ZNF407: variants seen among roughly 807,000 people sequenced by gnomAD.
ZNF407 encodes the protein zinc finger protein 407.
In ZNF407, 17 loss-of-function variants were observed where a neutral mutation model predicts 131.2. That is an observed-to-expected ratio of 0.13 (90% CI 0.09 to 0.19). The LOEUF is 0.19. ZNF407 is among the 10% of genes least tolerant of loss of function. The pLI is 1.00. For missense variants in ZNF407, 2,681 were observed against 2,830.6 expected, an observed-to-expected ratio of 0.95 and a Z score of 1.20; for synonymous variants, 1,156 against 1,062.0, an observed-to-expected ratio of 1.09 and a Z score of -1.72.
chr18:74,825,969 T>G (rs545597024), intron 4 of ZNF407, among the ~76,000 whole-genome samples: 14 of 152,190 alleles, frequency 9.2e-5, no homozygotes, highest in Non-Finnish European at 2.1e-4. Context: ...CCTAACCACA[T>G]ACACTAAACT....
At chr18:75,030,495 A>G (rs543740293) in intron 8 of ZNF407, among the ~76,000 whole-genome samples, 2 of 152,322 alleles carry the variant, frequency 1.3e-5, no homozygotes, top group South Asian at 4.1e-4. Flanking sequence ...TACATGCCAC[A>G]TTTCTCAAAT....
At chr18:74,651,460 TA>T (rs1221565211) in intron 3 of ZNF407, among the ~76,000 whole-genome samples, 1 of 152,218 alleles carries the variant, frequency 6.6e-6, no homozygotes, top group Non-Finnish European at 1.5e-5. Context: ...AAGAGGCCGA[TA>T]ATTTGCCTGT....
intron 3 of ZNF407, among the ~76,000 whole-genome samples, chr18:74,711,226 CT>C (rs1007586653): frequency 1.3e-5 from 2 of 152,164 alleles, no homozygotes; most frequent in African/African-American, 4.8e-5. Flanking sequence ...ATAAAGCACC[CT>C]CCCCTCACAC....
In ZNF407 at chr18:74,717,732, A is replaced by G. The variant is rs188739678; in HGVS notation, c.4803-63696A>G. 1.9e-3 allele frequency among the ~76,000 whole-genome samples: 293 copies of G among 152,348 alleles called. 5 individuals carry two copies. The highest frequency in any genetic ancestry group is 6.3e-3 in the African/African-American group (260 of 41,588). On this transcript the variant is annotated intron_variant, in intron 3 of 8. Coordinates refer to ENST00000299687, the MANE Select transcript of ZNF407 (RefSeq NM_017757.3). ...TCCCTTCTACAAAATGCTTTGGACC[A>G]GATGTGTTTTGGATTTTGGATTTTT...
chr18:74,673,311 C>T (rs752244556), intron 3 of ZNF407, among the ~76,000 whole-genome samples: 5 of 152,218 alleles, frequency 3.3e-5, no homozygotes, highest in Non-Finnish European at 7.3e-5. Flanking sequence ...ATCAAGGCGT[C>T]AACAGAGTTG....
chr18:74,830,608 G>A (rs374121037), intron 4 of ZNF407, among the ~76,000 whole-genome samples: 1 of 152,164 alleles, frequency 6.6e-6, no homozygotes, highest in Non-Finnish European at 1.5e-5. Context: ...GACGAATAAT[G>A]TTTGTACATA....
intron 8 of ZNF407, among the ~76,000 whole-genome samples, chr18:75,020,089 T>A (rs1421893459): frequency 6.6e-6 from 1 of 152,196 alleles, no homozygotes; most frequent in Non-Finnish European, 1.5e-5. Flanking sequence ...CAAGTAAAAC[T>A]TATTTTACTT....
chr18:74,657,457 G>A (rs1317215831), intron 3 of ZNF407, among the ~76,000 whole-genome samples: 1 of 151,878 alleles, frequency 6.6e-6, no homozygotes, highest in Non-Finnish European at 1.5e-5. Flanking sequence ...AAAAGAGAGA[G>A]TGAAAAGGGA....
At chr18:74,684,921 C>T (rs1003275080) in intron 3 of ZNF407, among the ~76,000 whole-genome samples, 1 of 151,982 alleles carries the variant, frequency 6.6e-6, no homozygotes, top group African/African-American at 2.4e-5. Flanking sequence ...ACACTTTCTT[C>T]ACCAGTTTAT....
chr18:74,851,930 T>C (rs1970789743), intron 4 of ZNF407, among the ~76,000 whole-genome samples: 3 of 152,176 alleles, frequency 2.0e-5, no homozygotes, highest in Non-Finnish European at 4.4e-5. Flanking sequence ...GAAAGGAATG[T>C]GCAACTCTGA....
chr18:74,867,376 A>G lies in ZNF407; in HGVS notation c.4878-9821A>G, dbSNP rs557618150. Among the ~76,000 whole-genome samples, 30 of 152,140 alleles carry G rather than the reference A, an allele frequency of 2.0e-4. No homozygotes were observed. In the East Asian group the frequency reaches 5.6e-3, roughly 28 times the overall value. ...ATTGCTGTTTTAAACAGTTTGTGGA[A>G]TAGTTATCTTAATTTATATTTATAG... On this transcript the variant is annotated intron_variant, in intron 4 of 8. Transcript: ENST00000299687.
At chr18:75,061,334 T>C (rs1434966322) in intron 8 of ZNF407, 1 of 152,218 alleles carries the variant, frequency 6.6e-6, no homozygotes. Flanking sequence ...TGGAGTCGAT[T>C]AGAAAACCGA....
intron 3 of ZNF407, among the ~76,000 whole-genome samples, chr18:74,761,898 T>C (rs999694529): frequency 1.3e-5 from 2 of 152,204 alleles, no homozygotes; most frequent in Admixed American, 1.3e-4. Flanking sequence ...TATCTGTCTG[T>C]ATACTTTTGT....
At chr18:74,604,968 C>A (rs753321924) in intron 1 of ZNF407, among the ~76,000 whole-genome samples, 1 of 152,174 alleles carries the variant, frequency 6.6e-6, no homozygotes, top group Non-Finnish European at 1.5e-5. Flanking sequence ...TAAGCAGTTT[C>A]GCTTAGTGGC....
intron 7 of ZNF407, among the ~76,000 whole-genome samples, chr18:74,894,222 G>T (rs554331987): frequency 6.6e-6 from 1 of 152,086 alleles, no homozygotes; most frequent in East Asian, 1.9e-4. Flanking sequence ...TTACAAATCA[G>T]TATATTCAAT....
chr18:74,982,862 T>C (rs567851163), intron 8 of ZNF407, among the ~76,000 whole-genome samples: 3 of 152,362 alleles, frequency 2.0e-5, no homozygotes, highest in African/African-American at 7.2e-5. Context: ...TTTAAAAAAT[T>C]GATGAATTGG....
intron 3 of ZNF407, among the ~76,000 whole-genome samples, chr18:74,758,380 A>G (rs1324113012): frequency 6.6e-6 from 1 of 152,164 alleles, no homozygotes; most frequent in Non-Finnish European, 1.5e-5. Context: ...ACATCTTATA[A>G]CAATCTAGTT....
At chr18:74,890,894 A>G (rs1184619422) in intron 7 of ZNF407, among the ~76,000 whole-genome samples, 1 of 152,206 alleles carries the variant, frequency 6.6e-6, no homozygotes, top group Non-Finnish European at 1.5e-5. Context: ...GGAAAGGATG[A>G]GGAGGGGATG....
chr18:74,803,893 C>A lies in ZNF407; in HGVS notation c.4877+22391C>A, dbSNP rs138077076. ...CAGGAATGACGGAGCGAAAAATGTT[C>A]ACGAGAATGCTTTACAACGTGCCTT... On this transcript the variant is annotated intron_variant, in intron 4 of 8. Transcript: ENST00000299687. 2.3e-4 allele frequency: 341 copies of A among 1,501,046 alleles called. 1 individual carries two copies. In the Middle Eastern group the frequency reaches 2.8e-3, roughly 12 times the overall value. The allele number at this position is 1,501,046 out of a possible 1,614,324, so 93.0% of individuals were successfully genotyped here. A position where few individuals can be genotyped will look rare whatever the true frequency, so the allele number is the denominator to read the frequency against.
Sources: allele counts gnomAD v4.1 joint callset (sites outside exome capture counted in the v4.1 genomes callset), GRCh38; gene constraint gnomAD v4.1.1; transcripts MANE v1.5; gene names NCBI Gene and HGNC (gene_info 2026-07-23, HGNC 2026-07-21).